The following ACSL1 variants were observed in gnomAD, a reference collection of about 807,000 sequenced individuals.
ACSL1 encodes the protein long-chain-fatty-acid--CoA ligase 1.
In ACSL1, 41 loss-of-function variants were observed where a neutral mutation model predicts 98.4. That is an observed-to-expected ratio of 0.42 (90% CI 0.32 to 0.54). ACSL1 has a LOEUF of 0.54. ACSL1 is among the 20% of genes least tolerant of loss of function. ACSL1 has a pLI of 0.13. For synonymous variants in ACSL1, 316 were observed against 322.7 expected (o/e 0.98, Z 0.22); for missense variants, 734 against 883.1 (o/e 0.83, Z 2.14).
At chr4:184,796,590 C>T (rs61096205) in intron 2 of ACSL1, among the ~76,000 whole-genome samples, 15,392 of 152,260 alleles carry the variant, frequency 0.1, 954 homozygotes, top group Non-Finnish European at 0.14. Context: ...CCATGGGGAA[C>T]ACTGACCCGG....
At position 184,776,678 on chromosome 4, in the gene ACSL1, T is replaced by C; in HGVS notation, c.578-16A>G. The C allele has an allele frequency of 6.2e-7, 1 of 1,604,642 alleles. No individual in the cohort carries two copies. The highest frequency in any genetic ancestry group is 8.5e-7 in the Non-Finnish European group (1 of 1,177,806). ...GAGAGTTCAGCTGTAAATGAAGAGA[T>C]ACAATGAAGAATAAGCTCTGGGATG... On this transcript the variant is annotated splice_polypyrimidine_tract_variant and intron_variant, in intron 6 of 20. Transcript: ENST00000281455.
Position 184,801,107 on chromosome 4 carries a change from C to T in ACSL1, c.195+2213G>A, listed in dbSNP as rs186182593. 8.7e-4 allele frequency among the ~76,000 whole-genome samples: 131 copies of T among 149,792 alleles called. 2 individuals are homozygous for T. In the East Asian group the frequency reaches 0.018, roughly 21 times the overall value. On this transcript the variant is annotated intron_variant, in intron 2 of 20. Coordinates refer to ENST00000281455, the MANE Select transcript of ACSL1 (RefSeq NM_001995.5). Reference sequence around the variant, plus strand: ...CTGGCCTCAAGCAATCCTCTCACCTCGGCCTCCCAAAGTGCAGGGATTACA... The same window carrying T: ...CTGGCCTCAAGCAATCCTCTCACCTTGGCCTCCCAAAGTGCAGGGATTACA...
In ACSL1 at chr4:184,768,454, T is replaced by G; in HGVS notation, c.994-4A>C. The G allele has an allele frequency of 6.2e-7, 1 of 1,603,976 alleles. No individual in the cohort carries two copies. The highest frequency in any genetic ancestry group is 8.5e-7 in the Non-Finnish European group (1 of 1,176,906). ...CTCCATGACACAGCATTACACACTA[T>G]AGGGGTAATGGAAAAAACAAACATT... is the stretch of plus-strand genomic sequence containing the variant. On this transcript the variant is annotated splice_region_variant and splice_polypyrimidine_tract_variant and intron_variant, in intron 11 of 20. Transcript: ENST00000281455.
chr4:184,821,692 T>C lies in ACSL1; in HGVS notation c.-33+4224A>G, dbSNP rs1042883930. Among the ~76,000 whole-genome samples the C allele has an allele frequency of 5.3e-5, 8 of 152,322 alleles. No individual in the cohort carries two copies. In the South Asian group the frequency reaches 1.0e-3, roughly 20 times the overall value. On this transcript the variant is annotated intron_variant, in intron 1 of 20. Coordinates refer to ENST00000281455, the MANE Select transcript of ACSL1 (RefSeq NM_001995.5). ...AAGGTTGGTAAACTGTTCTGAAAAA[T>C]ATCCAACAAATGGGGAGAAGTAACT...
chr4:184,780,154 G>A (rs895240958), intron 5 of ACSL1, among the ~76,000 whole-genome samples, 178 bp downstream of exon 5: 4 of 152,148 alleles, frequency 2.6e-5, no homozygotes, highest in African/African-American at 9.7e-5. Flanking sequence ...TTACAGGCGT[G>A]AGCCACTGTG....
intron 2 of ACSL1, among the ~76,000 whole-genome samples, chr4:184,790,510 C>A (rs1342985794): frequency 2.6e-5 from 4 of 152,166 alleles, no homozygotes; most frequent in African/African-American, 9.7e-5. Flanking sequence ...ATCACAATGT[C>A]TTCTCTCTCG....
intron 1 of ACSL1, chr4:184,821,046 A>G (rs1773030609): frequency 2.2e-6 from 1 of 456,312 alleles, no homozygotes; most frequent in Non-Finnish European, 4.4e-6. Flanking sequence ...GTGTACAGTA[A>G]GGATAGCAGC....
At chr4:184,808,962 G>A (rs1372433766) in intron 1 of ACSL1, among the ~76,000 whole-genome samples, 1 of 152,166 alleles carries the variant, frequency 6.6e-6, no homozygotes, top group Non-Finnish European at 1.5e-5. Flanking sequence ...GGGTAACTTT[G>A]GGATCCCATA....
At chr4:184,787,867 G>A (rs202110178) in intron 3 of ACSL1, among the ~76,000 whole-genome samples, 5 of 148,026 alleles carry the variant, frequency 3.4e-5, no homozygotes, top group African/African-American at 5.0e-5. Context: ...TCCGTCCAAA[G>A]AAAAAAAAAA....
rs144694835 is a variant in ACSL1, at chr4:184,805,380, T to C, written c.-32-1834A>G. The C allele has an allele frequency of 1.7e-4, 114 of 683,594 alleles. 1 individual carries two copies. In the East Asian group the frequency reaches 0.015, roughly 88 times the overall value. 42.3% of individuals were successfully genotyped at this position (683,594 alleles called of 1,614,324 possible). ...TTCAATCTCTGCTACAATGAATCCA[T>C]GTAAGTGTACTCACTCACACACACA... On this transcript the variant is annotated intron_variant, in intron 1 of 20. Coordinates refer to ENST00000281455, the MANE Select transcript of ACSL1 (RefSeq NM_001995.5).
At chr4:184,780,668 C>G (rs539580243) in intron 4 of ACSL1, among the ~76,000 whole-genome samples, 12 of 152,346 alleles carry the variant, frequency 7.9e-5, no homozygotes, top group South Asian at 2.1e-4. Context: ...GAAAATTAAT[C>G]TTATCCCAAT....
At chr4:184,805,530 C>G in intron 1 of ACSL1, 1 of 985,586 alleles carries the variant, frequency 1.0e-6, no homozygotes, top group Middle Eastern at 5.2e-4. Flanking sequence ...CACTCACCAT[C>G]TGTGCCACCA....
At position 184,769,838 on chromosome 4, in the gene ACSL1, T is replaced by C. The variant is rs137953574; in HGVS notation, c.993+561A>G. On this transcript the variant is annotated intron_variant, in intron 11 of 20. Transcript: ENST00000281455. ...GAAAAAAGGTGGTTCTTGGTCAGTT[T>C]TAAAATTAGTCACACAGTTGATTAC... Among the ~76,000 whole-genome samples, 31 of 152,340 alleles carry C rather than the reference T, an allele frequency of 2.0e-4. No homozygotes were observed. In the East Asian group the frequency reaches 5.2e-3, roughly 26 times the overall value.
chr4:184,782,358 A>G (rs1221964647), intron 4 of ACSL1, among the ~76,000 whole-genome samples: 1 of 152,274 alleles, frequency 6.6e-6, no homozygotes, highest in East Asian at 1.9e-4. Context: ...TGAATGTACA[A>G]ATCCAAAGTT....
chr4:184,776,842 C>A, intron 6 of ACSL1, 42 bp downstream of exon 6: 2 of 1,596,980 alleles, frequency 1.3e-6, no homozygotes, highest in African/African-American at 2.7e-5. Context: ...TGAACCTAAC[C>A]AATAACTATG....
chr4:184,817,198 C>A (rs1647768833), intron 1 of ACSL1, among the ~76,000 whole-genome samples: 1 of 152,074 alleles, frequency 6.6e-6, no homozygotes, highest in Non-Finnish European at 1.5e-5. Context: ...TTGACAAATT[C>A]TTTCCTTTTT....
chr4:184,802,242 A>T (rs1053880079), intron 2 of ACSL1, among the ~76,000 whole-genome samples: 9 of 152,252 alleles, frequency 5.9e-5, no homozygotes, highest in African/African-American at 1.4e-4. Flanking sequence ...GTTTCACATT[A>T]ATGAATCCAA....
At position 184,766,573 on chromosome 4, in the gene ACSL1, A is replaced by C. The variant is rs1305172833; in HGVS notation, c.1263+49T>G. The C allele has an allele frequency of 1.3e-6, 2 of 1,588,584 alleles. No homozygotes were observed. The highest frequency in any genetic ancestry group is 1.7e-6 in the Non-Finnish European group (2 of 1,161,998). ...AAAAAAGGCCCTCCCAGAACTCTGAAAAGCGAAGTCGGTTTCCATGGGAGC... is the reference window on the plus strand; with the variant it reads ...AAAAAAGGCCCTCCCAGAACTCTGACAAGCGAAGTCGGTTTCCATGGGAGC... On this transcript the variant is annotated intron_variant, in intron 13 of 20. Transcript: ENST00000281455. The surrounding 1 kb of genome is among the most constrained non-coding windows in gnomAD (Gnocchi z 4.8).
At chr4:184,762,057 G>A (rs1387706482) in intron 17 of ACSL1, among the ~76,000 whole-genome samples, 1 of 151,814 alleles carries the variant, frequency 6.6e-6, no homozygotes, top group Non-Finnish European at 1.5e-5. Flanking sequence ...AACCCGAGAG[G>A]TGGAGGTTGC....
Sources: allele counts gnomAD v4.1 joint callset (sites outside exome capture counted in the v4.1 genomes callset), GRCh38; gene constraint gnomAD v4.1.1; non-coding constraint Gnocchi (gnomAD v3.1); transcripts MANE v1.5; gene names NCBI Gene and HGNC (gene_info 2026-07-23, HGNC 2026-07-21).